NEMP2: variants seen among roughly 807,000 people sequenced by gnomAD.
The protein encoded by NEMP2 is nuclear envelope integral membrane protein 2.
Under a neutral mutation model 54.2 loss-of-function variants are expected in NEMP2, and 53 were observed. The ratio of observed to expected loss-of-function variants is 0.98; its 90% CI spans 0.78 to 1.23. The LOEUF (loss-of-function observed/expected upper bound fraction) is 1.23. NEMP2 is among the 50% of genes most tolerant of loss of function. The probability of loss-of-function intolerance (pLI) is 0.00; values close to 1 mark genes in which losing one functional copy is unlikely to be tolerated. For synonymous variants in NEMP2, 197 were observed against 190.3 expected (o/e 1.04, Z -0.29); for missense variants, 455 against 511.3 (o/e 0.89, Z 1.06).
rs1221011705 is a variant in NEMP2, at chr2:190,510,837, C to T, written c.954-300G>A. Reference sequence around the variant, plus strand: ...CAGAGGTTGCAGTAAGCCGAGATCGCGCCACTGCACTCCAGCCTGGGCGAC... The same window carrying T: ...CAGAGGTTGCAGTAAGCCGAGATCGTGCCACTGCACTCCAGCCTGGGCGAC... On this transcript the variant is annotated intron_variant, in intron 7 of 8. Transcript: ENST00000409150. The surrounding 1 kb of genome is among the most constrained non-coding windows in gnomAD (Gnocchi z 5.7). Among the ~76,000 whole-genome samples the T allele has an allele frequency of 1.3e-5, 2 of 150,236 alleles. No individual in the cohort carries two copies. The highest frequency in any genetic ancestry group is 6.6e-5 in the Admixed American group (1 of 15,124).
chr2:190,555,333 C>T, the NEMP2 span, among the ~76,000 whole-genome samples: 1 of 152,000 alleles, frequency 6.6e-6, no homozygotes, highest in Non-Finnish European at 1.5e-5. The surrounding 1 kb of genome is among the most constrained non-coding windows in gnomAD (Gnocchi z 4.8). Flanking sequence ...GACAAATTGA[C>T]AGAAGGAGGC....
At chr2:190,577,949 C>T in the NEMP2 span, among the ~76,000 whole-genome samples, 9 of 152,204 alleles carry the variant, frequency 5.9e-5, no homozygotes, top group Admixed American at 2.0e-4. This position sits in a 1 kb window ranked among gnomAD's most constrained non-coding sequence, Gnocchi z 4.8. Context: ...TGCTATAAAC[C>T]AATACATTCT....
At chr2:190,436,662 C>T in the NEMP2 span, 41 of 1,614,154 alleles carry the variant, frequency 2.5e-5, no homozygotes, top group East Asian at 8.9e-5. This position sits in a 1 kb window ranked among gnomAD's most constrained non-coding sequence, Gnocchi z 5.3. Flanking sequence ...TCTCAGACAC[C>T]GTTACTTTGC....
chr2:190,584,898 T>TGAAA, the NEMP2 span, among the ~76,000 whole-genome samples: 7,873 of 119,920 alleles, frequency 0.066, 278 homozygotes, highest in African/African-American at 0.086. This position sits in a 1 kb window ranked among gnomAD's most constrained non-coding sequence, Gnocchi z 4.2. Context: ...AAAACAACAA[T>TGAAA]GAAAGAAAGA....
the NEMP2 span, chr2:190,648,761 A>C: frequency 6.7e-6 from 1 of 149,462 alleles, no homozygotes; most frequent in African/African-American, 2.5e-5. Context: ...CCCGGCGCCC[A>C]CTTGGTTCCT....
chr2:190,448,449 T>C, the NEMP2 span, among the ~76,000 whole-genome samples: 1 of 152,176 alleles, frequency 6.6e-6, no homozygotes, highest in Non-Finnish European at 1.5e-5. Flanking sequence ...TTCAATATGG[T>C]ATAGTCATAA....
the NEMP2 span, among the ~76,000 whole-genome samples, chr2:190,452,590 G>GC: frequency 6.6e-6 from 1 of 152,112 alleles, no homozygotes; most frequent in East Asian, 1.9e-4. Context: ...AGCTTCATAG[G>GC]CACAGGGTTA....
chr2:190,498,350 C>A, the NEMP2 span, among the ~76,000 whole-genome samples: 6 of 152,168 alleles, frequency 3.9e-5, no homozygotes. This position sits in a 1 kb window ranked among gnomAD's most constrained non-coding sequence, Gnocchi z 5.9. Context: ...GGCTCAGTTC[C>A]CCCATCTCAT....
chr2:190,611,404 T>G, the NEMP2 span, among the ~76,000 whole-genome samples: 141 of 152,334 alleles, frequency 9.3e-4, no homozygotes, highest in African/African-American at 3.2e-3. This position sits in a 1 kb window ranked among gnomAD's most constrained non-coding sequence, Gnocchi z 5.4. Context: ...AACAAATCCT[T>G]ATAGACAGAT....
At chr2:190,453,758 C>G in the NEMP2 span, among the ~76,000 whole-genome samples, 1 of 152,186 alleles carries the variant, frequency 6.6e-6, no homozygotes, top group East Asian at 1.9e-4. Flanking sequence ...TGGAGAAGCA[C>G]AGAACGGAAG....
chr2:190,454,496 A>G, the NEMP2 span: 1 of 152,146 alleles, frequency 6.6e-6, no homozygotes, highest in Non-Finnish European at 1.5e-5. The surrounding 1 kb of genome is among the most constrained non-coding windows in gnomAD (Gnocchi z 4.6). Context: ...TACATGCTAG[A>G]GAGCTTGCTT....
the NEMP2 span, among the ~76,000 whole-genome samples, chr2:190,643,882 G>A: frequency 1.3e-5 from 2 of 152,136 alleles, no homozygotes; most frequent in South Asian, 4.1e-4. Context: ...AGCCATGATT[G>A]TGCCACTGTA....
chr2:190,471,484 C>T, the NEMP2 span, among the ~76,000 whole-genome samples: 1 of 152,176 alleles, frequency 6.6e-6, no homozygotes, highest in Non-Finnish European at 1.5e-5. The surrounding 1 kb of genome is among the most constrained non-coding windows in gnomAD (Gnocchi z 4.7). Flanking sequence ...CACGGAGCCT[C>T]CCTCATTGCT....
the NEMP2 span, among the ~76,000 whole-genome samples, chr2:190,584,939 G>GAAAGAAAGAAAGAAAGAAAA: frequency 9.8e-4 from 143 of 146,022 alleles, no homozygotes; most frequent in African/African-American, 3.6e-3. This position sits in a 1 kb window ranked among gnomAD's most constrained non-coding sequence, Gnocchi z 4.2. Context: ...AAGAAAGAAA[G>GAAAGAAAGAAAGAAAGAAAA]AAAGAAAGAA....
At chr2:190,547,772 G>C in the NEMP2 span, among the ~76,000 whole-genome samples, 1 of 152,162 alleles carries the variant, frequency 6.6e-6, no homozygotes, top group African/African-American at 2.4e-5. This position sits in a 1 kb window ranked among gnomAD's most constrained non-coding sequence, Gnocchi z 6.2. Flanking sequence ...CTGACCTCAG[G>C]TGATCCGCCC....
chr2:190,532,840 T>C (rs1691197111), intron 1 of NEMP2, among the ~76,000 whole-genome samples: 1 of 152,194 alleles, frequency 6.6e-6, no homozygotes, highest in Admixed American at 6.5e-5. Flanking sequence ...TACCAGATGC[T>C]GGGCGCTTCA....
the NEMP2 span, among the ~76,000 whole-genome samples, chr2:190,429,517 G>A: frequency 2.0e-5 from 3 of 151,926 alleles, no homozygotes; most frequent in African/African-American, 4.8e-5. Context: ...TAGTAAAGAC[G>A]GGGTTTCATC....
At chr2:190,624,274 G>T in the NEMP2 span, among the ~76,000 whole-genome samples, 2 of 152,152 alleles carry the variant, frequency 1.3e-5, no homozygotes, top group African/African-American at 4.8e-5. Context: ...AATTAAAATG[G>T]CTTTTATCAA....
chr2:190,434,503 T>G, the NEMP2 span, among the ~76,000 whole-genome samples: 1 of 152,198 alleles, frequency 6.6e-6, no homozygotes, highest in South Asian at 2.1e-4. The surrounding 1 kb of genome is among the most constrained non-coding windows in gnomAD (Gnocchi z 4.3). Flanking sequence ...TGGCGCAATC[T>G]CAGCTCACTG....
Sources: gnomAD v4.1 joint callset for allele counts (sites outside exome capture counted in the v4.1 genomes callset) on GRCh38, gnomAD v4.1.1 for gene constraint, Gnocchi (gnomAD v3.1) non-coding constraint, MANE v1.5 for transcripts, NCBI Gene and HGNC (gene_info 2026-07-23, HGNC 2026-07-21) for gene names.